The following RNF2 variants were observed in gnomAD, a reference collection of about 807,000 sequenced individuals.
The protein encoded by RNF2 is E3 ubiquitin-protein ligase RING2.
Under a neutral mutation model 37.2 loss-of-function variants are expected in RNF2, and 6 were observed. The ratio of observed to expected loss-of-function variants is 0.16; its 90% CI spans 0.09 to 0.32. The LOEUF (loss-of-function observed/expected upper bound fraction) is 0.32, where lower values mean the gene tolerates loss of function less well. Among genes scored for constraint, RNF2 ranks in the 10% least tolerant of loss-of-function variants. The pLI, the probability that RNF2 is intolerant of heterozygous loss-of-function variation, is 1.00. For synonymous variants in RNF2, 133 were observed against 132.7 expected (o/e 1.00, Z -0.02); for missense variants, 251 against 404.0 (o/e 0.62, Z 3.25).
rs548745579 is a variant in RNF2 at position 185,077,822 on chromosome 1, GT to G, written c.-2-9722del. ...TCTAATTTCTAATGCCTGATTCATT[GT>G]TTTTTTTCAGTCATTATTGTTTTAT... On this transcript the variant is annotated intron_variant, in intron 1 of 6. Coordinates refer to ENST00000367510, the MANE Select transcript of RNF2 (RefSeq NM_007212.4). Among the ~76,000 whole-genome samples the G allele has an allele frequency of 1.1e-3, 160 of 144,174 alleles. 1 individual carries two copies. The highest frequency in any genetic ancestry group is 1.8e-3 in the Non-Finnish European group (118 of 65,832). The allele number at this position is 144,174 out of a possible 152,430, so 94.6% of individuals were successfully genotyped here.
At chr1:185,061,792 T>A (rs1443890908) in intron 1 of RNF2, among the ~76,000 whole-genome samples, 2 of 152,232 alleles carry the variant, frequency 1.3e-5, no homozygotes, top group Non-Finnish European at 2.9e-5. Flanking sequence ...CAAGACTGTT[T>A]TTAGGCAATG....
rs990284568 is a variant in RNF2 at position 185,082,161 on chromosome 1, T to A, written c.-2-5391T>A. 2.6e-5 allele frequency among the ~76,000 whole-genome samples: 4 copies of A among 152,198 alleles called. No homozygotes were observed. In the South Asian group the frequency reaches 6.2e-4, roughly 24 times the overall value. On this transcript the variant is annotated intron_variant, in intron 1 of 6. Transcript: ENST00000367510. ...CATGAGACACCCACTTATCGAGCTTTTTCACCTTTCCAGTTTGCTTAAAAT... is the reference window on the plus strand; with the variant it reads ...CATGAGACACCCACTTATCGAGCTTATTCACCTTTCCAGTTTGCTTAAAAT...
chr1:185,098,844 T>G (rs1036354422), intron 5 of RNF2, among the ~76,000 whole-genome samples: 6 of 150,214 alleles, frequency 4.0e-5, no homozygotes, highest in African/African-American at 1.5e-4. Flanking sequence ...CTCCGCCTCC[T>G]GGGTTCAAGC....
chr1:185,097,395 T>C (rs754795939), intron 4 of RNF2, among the ~76,000 whole-genome samples: 73 of 152,234 alleles, frequency 4.8e-4, no homozygotes, highest in Non-Finnish European at 8.1e-4. Context: ...AGAATTTCTT[T>C]AAAGAGGCAT....
Position 185,087,559 on chromosome 1 carries a change from T to G in RNF2, c.6T>G (p.Ser2=). The change falls in exon 2 of 7, where the codon TCT becomes TCG. Residue 2 remains serine, a synonymous_variant. Coordinates refer to ENST00000367510, the MANE Select transcript of RNF2 (RefSeq NM_007212.4). M[S]QAVQTNGTQP... ...TCTCTTCTTTATTTCCAGCAATGTC[T>G]CAGGCTGTGCAGACAAACGGAACTC... The G allele has an allele frequency of 4.3e-6, 7 of 1,614,038 alleles. No homozygotes were observed. In the African/African-American group the frequency reaches 8.0e-5, roughly 18 times the overall value.
intron 1 of RNF2, among the ~76,000 whole-genome samples, chr1:185,056,075 G>GA (rs1227363527): frequency 1.3e-5 from 2 of 152,040 alleles, no homozygotes; most frequent in Admixed American, 1.3e-4. Flanking sequence ...CAGTTGCATT[G>GA]AAATGTAGGT....
chr1:185,077,410 G>A (rs1178185206), intron 1 of RNF2, among the ~76,000 whole-genome samples: 2 of 151,958 alleles, frequency 1.3e-5, no homozygotes, highest in Non-Finnish European at 2.9e-5. Context: ...TTTTTAACAG[G>A]AATGTGTCAA....
chr1:185,063,567 G>T (rs898553411), intron 1 of RNF2, among the ~76,000 whole-genome samples: 1 of 152,154 alleles, frequency 6.6e-6, no homozygotes, highest in Non-Finnish European at 1.5e-5. Flanking sequence ...TTCAACTGGT[G>T]TATAAGTTTC....
intron 1 of RNF2, among the ~76,000 whole-genome samples, chr1:185,049,203 CGA>C (rs1381070713): frequency 6.6e-6 from 1 of 151,946 alleles, no homozygotes; most frequent in African/African-American, 2.4e-5. Context: ...GGTGACGGAG[CGA>C]GACTCTGCCT....
chr1:185,101,208 C>T lies in RNF2; in HGVS notation c.*907C>T, dbSNP rs1462442671. On this transcript the variant is annotated 3_prime_UTR_variant, in exon 7 of 7. Coordinates refer to ENST00000367510, the MANE Select transcript of RNF2 (RefSeq NM_007212.4). ...AAGTACAAGATATGTTCAAAGCTTC[C>T]CTAATTTTTTTCTTATTTGTAGCCA... The T allele has an allele frequency of 2.0e-5, 3 of 152,382 alleles. No individual in the cohort carries two copies. The highest frequency in any genetic ancestry group is 1.5e-5 in the Non-Finnish European group (1 of 67,958). 9.4% of individuals were successfully genotyped at this position (152,382 alleles called of 1,614,324 possible). A position where few individuals can be genotyped will look rare whatever the true frequency, so the allele number is the denominator to read the frequency against.
At chr1:185,048,501 A>G (rs1405537726) in intron 1 of RNF2, among the ~76,000 whole-genome samples, 1 of 152,210 alleles carries the variant, frequency 6.6e-6, no homozygotes, top group Non-Finnish European at 1.5e-5. Flanking sequence ...ATTTTTAAAA[A>G]TCAGTTTATC....
intron 1 of RNF2, among the ~76,000 whole-genome samples, chr1:185,047,846 GCA>G (rs758970629): frequency 4.6e-5 from 7 of 152,128 alleles, no homozygotes; most frequent in Non-Finnish European, 7.3e-5. Context: ...TCGTGTTATT[GCA>G]CACACTGTAG....
At chr1:185,092,955 A>C (rs1651811600) in intron 3 of RNF2, 106 bp from the exon 4 acceptor site, 1 of 903,452 alleles carries the variant, frequency 1.1e-6, no homozygotes, top group South Asian at 1.6e-5. Context: ...TGACTTATTA[A>C]AGGTATTGGA....
chr1:185,080,634 T>A (rs1304052767), intron 1 of RNF2, among the ~76,000 whole-genome samples: 2 of 152,194 alleles, frequency 1.3e-5, no homozygotes, highest in African/African-American at 4.8e-5. Context: ...TAATGCAGAC[T>A]TAACAGAAAG....
intron 1 of RNF2, among the ~76,000 whole-genome samples, chr1:185,082,345 C>CTTTTTTTTTTTGTTTTTTTTTTTTTTTT (rs1651444193): frequency 1.4e-5 from 1 of 72,000 alleles, no homozygotes. Context: ...CTCTGCAGAA[C>CTTTTTTTTTTTGTTTTTTTTTTTTTTTT]TTTTTTTTTT....
chr1:185,090,142 G>A (rs759826031), intron 2 of RNF2, among the ~76,000 whole-genome samples: 26 of 152,090 alleles, frequency 1.7e-4, no homozygotes, highest in Non-Finnish European at 2.5e-4. Flanking sequence ...GGCTGGTCTC[G>A]AACTTCTGAC....
chr1:185,078,092 C>T (rs1329205850), intron 1 of RNF2, among the ~76,000 whole-genome samples: 1 of 152,126 alleles, frequency 6.6e-6, no homozygotes, highest in Non-Finnish European at 1.5e-5. Context: ...ACTAAAAATA[C>T]AGAAATTAGC....
Position 185,091,591 on chromosome 1 carries a change from G to T in RNF2, c.100G>T (p.Asp34Tyr), listed in dbSNP as rs1224740555. 6.2e-7 allele frequency: 1 copy of T among 1,613,490 alleles called. No homozygotes were observed. The highest frequency in any genetic ancestry group is 1.1e-5 in the South Asian group (1 of 90,994). The change falls in exon 3 of 7, where the codon GAT becomes TAT. Residue 34 changes from aspartate (D) to tyrosine (Y), a missense_variant. By Grantham distance (160) the Asp-to-Tyr change is radical. Transcript: ENST00000367510. ...LQRTPQEAIT[D>Y]GLEIVVSPRS... ...GACTCTTTTACAGGAGGCAATAACAGATGGCTTAGAAATTGTGGTTTCACC... is the reference window on the plus strand; with the variant it reads ...GACTCTTTTACAGGAGGCAATAACATATGGCTTAGAAATTGTGGTTTCACC...
chr1:185,068,803 C>CA (rs1254051483), intron 1 of RNF2, among the ~76,000 whole-genome samples: 2 of 152,210 alleles, frequency 1.3e-5, no homozygotes, highest in Non-Finnish European at 2.9e-5. Flanking sequence ...CTAAGTAACT[C>CA]AGTTTACCTA....
Sources: gnomAD v4.1 joint callset for allele counts (sites outside exome capture counted in the v4.1 genomes callset) on GRCh38, gnomAD v4.1.1 for gene constraint, MANE v1.5 for transcripts, NCBI Gene and HGNC (gene_info 2026-07-23, HGNC 2026-07-21) for gene names.